TJP1: variants seen among roughly 807,000 people sequenced by gnomAD.
TJP1 encodes tight junction protein 1.
A neutral mutation model predicts 194.2 loss-of-function variants in TJP1; 43 were observed. The observed-to-expected ratio is 0.22, with a 90% CI of 0.17 to 0.29. TJP1 has a LOEUF of 0.29. Ranked by LOEUF, TJP1 falls within the 10% of genes least tolerant of loss-of-function variation. The pLI, the probability that TJP1 is intolerant of heterozygous loss-of-function variation, is 1.00. For synonymous variants in TJP1, 801 were observed against 779.0 expected (o/e 1.03, Z -0.47); for missense variants, 1,971 against 2,185.7 (o/e 0.90, Z 1.96).
intron 18 of TJP1, among the ~76,000 whole-genome samples, chr15:29,723,674 T>C (rs2043071006): frequency 6.6e-6 from 1 of 152,188 alleles, no homozygotes; most frequent in South Asian, 2.1e-4. Flanking sequence ...GAAGAAATTA[T>C]TTATTATTTT....
intron 8 of TJP1, among the ~76,000 whole-genome samples, chr15:29,756,417 A>G (rs962742255): frequency 2.0e-5 from 3 of 152,202 alleles, no homozygotes; most frequent in Non-Finnish European, 4.4e-5. Context: ...TTTTTCTGTA[A>G]TTGACTCCCT....
Position 29,837,026 on chromosome 15 carries a change from A to T in TJP1, c.307-36324T>A, listed in dbSNP as rs145690353. Reference sequence around the variant, plus strand: ...CAATCTATGATATTTTGCTATAGCAACACAAATGGACTAAGACAAACATAA... The same window carrying T: ...CAATCTATGATATTTTGCTATAGCATCACAAATGGACTAAGACAAACATAA... On this transcript the variant is annotated intron_variant, in intron 2 of 28. Coordinates refer to the TJP1 transcript ENST00000356107. Among the ~76,000 whole-genome samples the T allele has an allele frequency of 2.0e-5, 3 of 152,354 alleles. No homozygotes were observed. In the East Asian group the frequency reaches 5.8e-4, roughly 29 times the overall value.
chr15:29,752,010 A>G (rs2045315787), intron 8 of TJP1, among the ~76,000 whole-genome samples: 1 of 152,026 alleles, frequency 6.6e-6, no homozygotes. Flanking sequence ...CTGCAGCCTC[A>G]ACCTCTTGGG....
At chr15:29,748,943 T>TGA (rs71103407) in intron 8 of TJP1, among the ~76,000 whole-genome samples, 86,542 of 136,854 alleles carry the variant, frequency 0.63, 27,035 homozygotes, top group East Asian at 0.74. Context: ...TGTGTGTGTG[T>TGA]GTGTGTGTGT....
intron 2 of TJP1, among the ~76,000 whole-genome samples, chr15:29,929,354 T>A (rs1445998246): frequency 6.6e-6 from 1 of 151,982 alleles, no homozygotes; most frequent in East Asian, 1.9e-4. Flanking sequence ...AAATGTAGAG[T>A]TTTACGTGTG....
rs1054972931 is a variant in TJP1, at chr15:29,768,726, T to C, written c.313-2184A>G. On this transcript the variant is annotated intron_variant, in intron 4 of 27. Coordinates refer to ENST00000614355, the MANE Select transcript of TJP1 (RefSeq NM_001330239.4). ...ACTTATTGAAAGGTAACCAGTCCTA[T>C]TGTGATTCTCTACTTATGAATCAAC... 2.2e-4 allele frequency among the ~76,000 whole-genome samples: 34 copies of C among 152,194 alleles called. 1 individual carries two copies. The highest frequency in any genetic ancestry group is 8.0e-4 in the African/African-American group (33 of 41,438).
At chr15:29,827,560 A>G (rs746662435) in intron 2 of TJP1, among the ~76,000 whole-genome samples, 6 of 152,236 alleles carry the variant, frequency 3.9e-5, no homozygotes, top group Non-Finnish European at 5.9e-5. Flanking sequence ...CAAGCCACAG[A>G]ATATAAACTG....
At chr15:29,811,484 CA>C (rs1316519366) in intron 1 of TJP1, among the ~76,000 whole-genome samples, 1 of 151,980 alleles carries the variant, frequency 6.6e-6, no homozygotes, top group East Asian at 1.9e-4. Flanking sequence ...ACGGATAAAA[CA>C]AGTAGAAAGA....
chr15:29,719,693 G>T, intron 20 of TJP1, 84 bp downstream of exon 20: 1 of 1,524,800 alleles, frequency 6.6e-7, no homozygotes, highest in Non-Finnish European at 8.8e-7. Context: ...AAAGCAAAAG[G>T]AACACTTAAA....
At chr15:29,813,970 T>C (rs1345783312) in intron 1 of TJP1, among the ~76,000 whole-genome samples, 1 of 152,230 alleles carries the variant, frequency 6.6e-6, no homozygotes, top group Non-Finnish European at 1.5e-5. Context: ...TAACAGCTAG[T>C]ATAGTGTTCA....
rs2041465932 is a variant in TJP1 at position 29,700,368 on chromosome 15, A to G, written c.*1227T>C. 1 of 398,836 alleles carries G rather than the reference A, an allele frequency of 2.5e-6. No homozygotes were observed. Among genetic ancestry groups the G allele is most frequent in the African/African-American group, 2.1e-5 (1 of 48,622 alleles). The allele number at this position is 398,836 out of a possible 1,614,324, so 24.7% of individuals were successfully genotyped here. A position where few individuals can be genotyped will look rare whatever the true frequency, so the allele number is the denominator to read the frequency against. ...ATTACAGTAGGGATACTTTGCAAGAATTTAATCAAACTAGAGAATTCTGAG... is the reference window on the plus strand; with the variant it reads ...ATTACAGTAGGGATACTTTGCAAGAGTTTAATCAAACTAGAGAATTCTGAG... On this transcript the variant is annotated 3_prime_UTR_variant, in exon 28 of 28. Transcript: ENST00000614355.
At chr15:29,740,268 C>T (rs761711850) in intron 10 of TJP1, among the ~76,000 whole-genome samples, 4 of 152,144 alleles carry the variant, frequency 2.6e-5, no homozygotes, top group African/African-American at 7.2e-5. Flanking sequence ...AGCCACTGCG[C>T]CCGGCCCGGA....
chr15:29,846,070 C>A (rs184576499), intron 2 of TJP1, among the ~76,000 whole-genome samples: 1 of 152,174 alleles, frequency 6.6e-6, no homozygotes, highest in African/African-American at 2.4e-5. Flanking sequence ...ACCACACACA[C>A]TTAACTCCTA....
chr15:29,781,355 C>G (rs778739357), intron 2 of TJP1, among the ~76,000 whole-genome samples: 2 of 152,052 alleles, frequency 1.3e-5, no homozygotes, highest in African/African-American at 4.8e-5. Flanking sequence ...AAAAAAACCC[C>G]AGGACCAAAT....
chr15:29,741,511 T>A lies in TJP1; in HGVS notation c.1151-75A>T. On this transcript the variant is annotated intron_variant, in intron 9 of 27. Transcript: ENST00000614355. ...ATAATGCAAGCAACCAAGCAATATA[T>A]GATTCATAAGTTCAGAGAACCTGAT... 13 of 966,930 alleles carry A rather than the reference T, an allele frequency of 1.3e-5. No individual in the cohort carries two copies. In the South Asian group the frequency reaches 1.7e-4, roughly 13 times the overall value. The allele number at this position is 966,930 out of a possible 1,614,324, so 59.9% of individuals were successfully genotyped here.
rs758106043 is a variant in TJP1 at position 29,708,546 on chromosome 15, G to A, written c.4850+13C>T. 4 of 1,582,428 alleles carry A rather than the reference G, an allele frequency of 2.5e-6. No homozygotes were observed. In the Admixed American group the frequency reaches 5.1e-5, roughly 20 times the overall value. ...CACAGGGCCAATGCTTTGAGCAAAG[G>A]CATAAGTCTTACCTCACAGGAATAG... On this transcript the variant is annotated intron_variant, in intron 25 of 27. Transcript: ENST00000614355.
intron 15 of TJP1, chr15:29,731,079 C>CTT (rs202239834): frequency 3.2e-4 from 190 of 596,282 alleles, no homozygotes; most frequent in East Asian, 3.2e-3. Flanking sequence ...TTTTGTTTTA[C>CTT]TTTTTTTTTT....
chr15:29,922,061 G>C (rs545869703), intron 2 of TJP1, among the ~76,000 whole-genome samples: 29 of 152,118 alleles, frequency 1.9e-4, no homozygotes, highest in South Asian at 8.3e-4. Flanking sequence ...TGATCAGGCC[G>C]GTCTCAAACT....
chr15:29,706,873 T>C (rs1037383380), intron 25 of TJP1, among the ~76,000 whole-genome samples: 3 of 152,110 alleles, frequency 2.0e-5, no homozygotes, highest in African/African-American at 7.2e-5. Flanking sequence ...TTGGCCAGGA[T>C]GGAACTCCTG....
Sources: gnomAD v4.1 joint callset for allele counts (sites outside exome capture counted in the v4.1 genomes callset) on GRCh38, gnomAD v4.1.1 for gene constraint, MANE v1.5 for transcripts, NCBI Gene and HGNC (gene_info 2026-07-23, HGNC 2026-07-21) for gene names.